The following SGCZ variants were observed in gnomAD, a reference collection of about 807,000 sequenced individuals.
The protein encoded by SGCZ is sarcoglycan zeta, also known as zeta-sarcoglycan.
SGCZ carries 40 observed loss-of-function variants against 41.3 expected under a neutral mutation model. That is an observed-to-expected ratio of 0.97 (90% CI 0.75 to 1.26). The LOEUF is 1.26. Ranked by LOEUF, SGCZ falls within the 50% of genes most tolerant of loss-of-function variation. The pLI is 0.00. For missense variants in SGCZ, 552 were observed against 369.8 expected, an observed-to-expected ratio of 1.49 and a Z score of -4.04; for synonymous variants, 206 against 137.5, an observed-to-expected ratio of 1.50 and a Z score of -3.49.
chr8:14,914,052 G>A (rs1241532711), intron 1 of SGCZ, among the ~76,000 whole-genome samples: 2 of 151,948 alleles, frequency 1.3e-5, no homozygotes, highest in East Asian at 3.9e-4. Flanking sequence ...AAATACATAT[G>A]TATATAGATG....
chr8:14,912,856 C>G (rs545130031), intron 1 of SGCZ, among the ~76,000 whole-genome samples: 1 of 152,160 alleles, frequency 6.6e-6, no homozygotes, highest in South Asian at 2.1e-4. Flanking sequence ...GGTTACCAAG[C>G]ATGTCTTCTT....
intron 2 of SGCZ, among the ~76,000 whole-genome samples, chr8:14,487,065 T>C (rs1214288242): frequency 1.3e-5 from 2 of 152,144 alleles, no homozygotes; most frequent in Non-Finnish European, 2.9e-5. Flanking sequence ...TGAGCCCAGA[T>C]TCACAGTCCT....
chr8:14,775,593 C>T (rs1335580336), intron 1 of SGCZ, among the ~76,000 whole-genome samples: 2 of 151,658 alleles, frequency 1.3e-5, no homozygotes, highest in Non-Finnish European at 2.9e-5. Flanking sequence ...AAAATATTAT[C>T]AAACAACTTA....
intron 1 of SGCZ, among the ~76,000 whole-genome samples, chr8:14,975,850 G>T (rs770400550): frequency 1.4e-5 from 2 of 140,872 alleles, no homozygotes; most frequent in Non-Finnish European, 1.5e-5. Flanking sequence ...CTACTTATCA[G>T]GCTTTAAAAT....
chr8:14,432,080 T>A (rs1348536672), intron 2 of SGCZ, among the ~76,000 whole-genome samples: 3 of 152,136 alleles, frequency 2.0e-5, no homozygotes, highest in Admixed American at 2.0e-4. Flanking sequence ...ACCCTGCTGG[T>A]GGGAATGTAA....
intron 1 of SGCZ, among the ~76,000 whole-genome samples, chr8:14,996,704 G>A (rs1802231506): frequency 6.6e-6 from 1 of 152,184 alleles, no homozygotes; most frequent in Non-Finnish European, 1.5e-5. Context: ...TGCATCAGAG[G>A]AACTCCAGAC....
intron 2 of SGCZ, among the ~76,000 whole-genome samples, chr8:14,375,123 CAGACAGACAGACAGACAGACAGAT>C (rs1804066915): frequency 2.0e-5 from 3 of 150,666 alleles, no homozygotes; most frequent in African/African-American, 7.4e-5. Flanking sequence ...GACAGACAGA[CAGACAGACAGACAGACAGACAGAT>C]AGATATTTGG....
chr8:14,376,944 T>C (rs2117178250), intron 2 of SGCZ, among the ~76,000 whole-genome samples: 1 of 152,328 alleles, frequency 6.6e-6, no homozygotes, highest in East Asian at 1.9e-4. Context: ...TTGTTCCTAG[T>C]TTCTAACACA....
intron 1 of SGCZ, among the ~76,000 whole-genome samples, chr8:15,011,630 T>A (rs185110202): frequency 6.6e-6 from 1 of 152,184 alleles, no homozygotes; most frequent in Non-Finnish European, 1.5e-5. Flanking sequence ...CAATTTTGAA[T>A]AAATTCTTCC....
At chr8:14,318,659 A>G (rs1051116600) in intron 3 of SGCZ, among the ~76,000 whole-genome samples, 3 of 151,956 alleles carry the variant, frequency 2.0e-5, no homozygotes, top group Non-Finnish European at 4.4e-5. Flanking sequence ...ATTAAAATCC[A>G]GGTCTGGTTG....
intron 3 of SGCZ, among the ~76,000 whole-genome samples, chr8:14,320,927 T>C (rs1801896766): frequency 6.6e-6 from 1 of 152,084 alleles, no homozygotes; most frequent in Non-Finnish European, 1.5e-5. Context: ...TAGTTAAATG[T>C]ATGTAATTTG....
chr8:14,257,389 C>CA (rs1413528191), intron 3 of SGCZ, among the ~76,000 whole-genome samples: 5 of 151,692 alleles, frequency 3.3e-5, no homozygotes, highest in Non-Finnish European at 7.4e-5. Flanking sequence ...AAAACACAAA[C>CA]AAAACCTAAA....
chr8:14,292,173 G>A (rs897971756), intron 3 of SGCZ, among the ~76,000 whole-genome samples: 6 of 151,990 alleles, frequency 3.9e-5, no homozygotes, highest in African/African-American at 1.4e-4. Flanking sequence ...CTAGGAGCTA[G>A]ATGCAAGACA....
chr8:14,870,591 C>G (rs2130701593), intron 1 of SGCZ, among the ~76,000 whole-genome samples: 1 of 152,154 alleles, frequency 6.6e-6, no homozygotes, highest in East Asian at 1.9e-4. Flanking sequence ...CAAATAGGAT[C>G]TAATTAAACT....
At chr8:14,370,454 T>C (rs930683718) in intron 2 of SGCZ, among the ~76,000 whole-genome samples, 2 of 151,866 alleles carry the variant, frequency 1.3e-5, no homozygotes, top group Non-Finnish European at 2.9e-5. Context: ...CTGAAACAAA[T>C]TGGTTATATG....
intron 1 of SGCZ, among the ~76,000 whole-genome samples, chr8:15,193,649 T>G (rs7840505): frequency 2.6e-5 from 4 of 151,256 alleles, no homozygotes; most frequent in Non-Finnish European, 5.9e-5. Flanking sequence ...TTTCTAAGCA[T>G]TGTTCTCTTA....
At chr8:15,092,378 C>T (rs1367428391) in intron 1 of SGCZ, among the ~76,000 whole-genome samples, 2 of 152,096 alleles carry the variant, frequency 1.3e-5, no homozygotes, top group South Asian at 2.1e-4. Context: ...TTAATAGTTA[C>T]ATATAAATGT....
At chr8:15,001,679 A>G (rs547580482) in intron 1 of SGCZ, among the ~76,000 whole-genome samples, 1 of 143,912 alleles carries the variant, frequency 6.9e-6, no homozygotes, top group African/African-American at 2.6e-5. Flanking sequence ...GAGTGAGCCG[A>G]GATTGCACCA....
Position 15,167,379 on chromosome 8 carries a change from T to C in SGCZ, c.39+70206A>G, listed in dbSNP as rs538236397. Among the ~76,000 whole-genome samples, 35 of 152,332 alleles carry C rather than the reference T, an allele frequency of 2.3e-4. No individual in the cohort carries two copies. The South Asian group carries it at 4.1e-3, about 18-fold the overall frequency. The stretch of plus-strand genomic sequence containing the variant: ...TCTACGTAGTCCCTGTACAGGGTTC[T>C]TGACCTGTGGTCAGTAAAGACTGTC... On this transcript the variant is annotated intron_variant, in intron 1 of 7. Coordinates refer to ENST00000382080, the MANE Select transcript of SGCZ (RefSeq NM_139167.4).
Sources: allele counts gnomAD v4.1 joint callset (sites outside exome capture counted in the v4.1 genomes callset), GRCh38; gene constraint gnomAD v4.1.1; transcripts MANE v1.5; gene names NCBI Gene and HGNC (gene_info 2026-07-23, HGNC 2026-07-21).